CPNE4: variants seen among roughly 807,000 people sequenced by gnomAD.
The protein encoded by CPNE4 is copine-4.
Under a neutral mutation model 67.9 loss-of-function variants are expected in CPNE4, and 25 were observed. The observed-to-expected ratio is 0.37, with a 90% CI of 0.27 to 0.51. The LOEUF is 0.51. Among genes scored for constraint, CPNE4 ranks in the 20% least tolerant of loss-of-function variants. The pLI is 0.93. For missense variants in CPNE4, 464 were observed against 690.8 expected (o/e 0.67, Z 3.68); for synonymous variants, 242 against 244.9 (o/e 0.99, Z 0.11).
At chr3:131,813,584 A>C (rs2084620027) in intron 2 of CPNE4, among the ~76,000 whole-genome samples, 1 of 151,878 alleles carries the variant, frequency 6.6e-6, no homozygotes, top group Non-Finnish European at 1.5e-5. Flanking sequence ...AGATGATATT[A>C]AGTTACATTC....
chr3:131,903,633 G>A (rs1352917322), intron 2 of CPNE4, among the ~76,000 whole-genome samples: 1 of 152,064 alleles, frequency 6.6e-6, no homozygotes, highest in African/African-American at 2.4e-5. Context: ...CTTACAAGCT[G>A]ACTGCTCTTG....
At chr3:131,983,652 T>C (rs2107639964) in intron 1 of CPNE4, among the ~76,000 whole-genome samples, 1 of 152,332 alleles carries the variant, frequency 6.6e-6, no homozygotes, top group Middle Eastern at 3.4e-3. Flanking sequence ...TTTGGCATGA[T>C]CATCCCTTGG....
intron 12 of CPNE4, among the ~76,000 whole-genome samples, chr3:131,554,210 C>A (rs937854527): frequency 6.6e-6 from 1 of 152,034 alleles, no homozygotes; most frequent in Non-Finnish European, 1.5e-5. Flanking sequence ...AGTGGGCATT[C>A]ACCTGTTTAC....
chr3:131,545,148 A>G (rs1935754671), intron 14 of CPNE4, among the ~76,000 whole-genome samples: 1 of 152,258 alleles, frequency 6.6e-6, no homozygotes, highest in South Asian at 2.1e-4. Context: ...AATGAATATG[A>G]GAGGCTGTGT....
intron 1 of CPNE4, among the ~76,000 whole-genome samples, chr3:131,935,755 G>T (rs1027210548): frequency 2.6e-5 from 4 of 151,970 alleles, no homozygotes; most frequent in Non-Finnish European, 4.4e-5. Flanking sequence ...TATCTTAGGA[G>T]TTCAACCAAA....
intron 1 of CPNE4, among the ~76,000 whole-genome samples, chr3:131,920,235 C>G (rs957605318): frequency 3.3e-5 from 5 of 152,182 alleles, no homozygotes; most frequent in Non-Finnish European, 5.9e-5. Flanking sequence ...CTCGTACTTT[C>G]AAGTCCTAGA....
At chr3:131,838,256 C>CA (rs1244295135) in intron 2 of CPNE4, among the ~76,000 whole-genome samples, 1 of 151,688 alleles carries the variant, frequency 6.6e-6, no homozygotes, top group East Asian at 1.9e-4. Context: ...TCTTTCTATG[C>CA]AAATGGATAT....
chr3:131,718,517 C>T (rs568558281), intron 3 of CPNE4, among the ~76,000 whole-genome samples: 3 of 152,138 alleles, frequency 2.0e-5, no homozygotes, highest in Admixed American at 6.5e-5. Context: ...TGTGTCTTTG[C>T]GTGTACCAGT....
At chr3:131,881,099 A>G (rs1397638833) in intron 2 of CPNE4, among the ~76,000 whole-genome samples, 1 of 152,056 alleles carries the variant, frequency 6.6e-6, no homozygotes. Flanking sequence ...AGGCAAGGAC[A>G]CTCCATCCCC....
intron 1 of CPNE4, among the ~76,000 whole-genome samples, chr3:131,914,877 G>A (rs906823240): frequency 2.0e-5 from 3 of 152,172 alleles, no homozygotes. Context: ...TCAGGGGGCT[G>A]AGGCAGGAGA....
chr3:131,752,605 T>G (rs6807908), intron 2 of CPNE4, among the ~76,000 whole-genome samples: 7,902 of 152,218 alleles, frequency 0.052, 347 homozygotes, highest in African/African-American at 0.12. Flanking sequence ...GTTTTACATT[T>G]AATGTTCAAG....
At chr3:131,891,909 CA>C (rs1252438990) in intron 2 of CPNE4, among the ~76,000 whole-genome samples, 1 of 151,976 alleles carries the variant, frequency 6.6e-6, no homozygotes, top group Non-Finnish European at 1.5e-5. Context: ...CAAAAAGAGA[CA>C]AAAACAACCA....
intron 1 of CPNE4, among the ~76,000 whole-genome samples, chr3:131,958,166 A>G (rs886220813): frequency 6.6e-6 from 1 of 152,230 alleles, no homozygotes; most frequent in Non-Finnish European, 1.5e-5. Flanking sequence ...CAGACATTCC[A>G]TTAGGCATTT....
chr3:131,765,425 C>T (rs771832580), intron 2 of CPNE4, among the ~76,000 whole-genome samples: 4 of 152,056 alleles, frequency 2.6e-5, no homozygotes, highest in Non-Finnish European at 4.4e-5. Flanking sequence ...TCAAGAATTG[C>T]TTTAGGCCAC....
intron 2 of CPNE4, among the ~76,000 whole-genome samples, chr3:131,882,939 G>A (rs562425927): frequency 4.6e-5 from 7 of 151,996 alleles, no homozygotes; most frequent in South Asian, 2.1e-4. Flanking sequence ...GGATGGTCTC[G>A]ATCTCCTGAC....
intron 7 of CPNE4, among the ~76,000 whole-genome samples, chr3:131,658,721 G>A (rs931728266): frequency 7.2e-5 from 11 of 152,166 alleles, no homozygotes; most frequent in Admixed American, 7.2e-4. Context: ...GTTCTGCCAA[G>A]CATCTAAGAA....
At chr3:131,851,025 G>A (rs1162544478) in intron 2 of CPNE4, among the ~76,000 whole-genome samples, 2 of 152,180 alleles carry the variant, frequency 1.3e-5, no homozygotes, top group South Asian at 2.1e-4. Flanking sequence ...CTTCACTGCA[G>A]AACCATCTAT....
chr3:131,891,501 T>G (rs2088112685), intron 2 of CPNE4, among the ~76,000 whole-genome samples: 1 of 152,004 alleles, frequency 6.6e-6, no homozygotes, highest in Non-Finnish European at 1.5e-5. Context: ...GGATTTGTTG[T>G]ATGGATTATT....
rs999848142 is a variant in CPNE4, at chr3:131,862,076, T to A, written c.180+43188A>T. Among the ~76,000 whole-genome samples, 7 of 152,224 alleles carry A rather than the reference T, an allele frequency of 4.6e-5. No individual in the cohort carries two copies. The South Asian group carries it at 1.0e-3, about 23-fold the overall frequency. ...GGCTCTTTTCTTTGCAATTTTTTTT[T>A]ATTCTATATCCTTTCTTTGAACAAC... is the stretch of plus-strand genomic sequence containing the variant. On this transcript the variant is annotated intron_variant, in intron 2 of 15. Transcript: ENST00000429747.
Sources: gnomAD v4.1 joint callset for allele counts (sites outside exome capture counted in the v4.1 genomes callset) on GRCh38, gnomAD v4.1.1 for gene constraint, MANE v1.5 for transcripts, NCBI Gene and HGNC (gene_info 2026-07-23, HGNC 2026-07-21) for gene names.